MAMDC2: variants seen among roughly 807,000 people sequenced by gnomAD.
MAMDC2 encodes MAM domain-containing protein 2.
In MAMDC2, 57 loss-of-function variants were observed where a neutral mutation model predicts 89.8. The ratio of observed to expected loss-of-function variants is 0.63; its 90% CI spans 0.51 to 0.79. The LOEUF is 0.79. Among genes scored for constraint, MAMDC2 ranks in the 30% least tolerant of loss-of-function variants. MAMDC2 has a pLI of 0.00. For missense variants in MAMDC2, 800 were observed against 820.6 expected, an observed-to-expected ratio of 0.97 and a Z score of 0.31; for synonymous variants, 313 against 293.4, an observed-to-expected ratio of 1.07 and a Z score of -0.68.
At chr9:70,196,063 C>T (rs1253335184) in intron 11 of MAMDC2, among the ~76,000 whole-genome samples, 1 of 152,100 alleles carries the variant, frequency 6.6e-6, no homozygotes, top group Non-Finnish European at 1.5e-5. Context: ...AAAAGGATTT[C>T]TTAACGTGGC....
intron 11 of MAMDC2, among the ~76,000 whole-genome samples, chr9:70,212,122 C>T (rs2033366302): frequency 6.6e-6 from 1 of 152,222 alleles, no homozygotes. Flanking sequence ...ATCTCAAACT[C>T]CATGCTGGGA....
chr9:70,183,952 C>T (rs1438144188), intron 11 of MAMDC2, among the ~76,000 whole-genome samples: 1 of 152,056 alleles, frequency 6.6e-6, no homozygotes, highest in South Asian at 2.1e-4. Flanking sequence ...GTGGCTGTTA[C>T]TTGATGTAGT....
chr9:70,136,525 C>T (rs1020356627), intron 7 of MAMDC2, among the ~76,000 whole-genome samples: 1 of 152,158 alleles, frequency 6.6e-6, no homozygotes, highest in Non-Finnish European at 1.5e-5. Flanking sequence ...ATGCCACCTT[C>T]CACCCCCTCC....
intron 11 of MAMDC2, among the ~76,000 whole-genome samples, chr9:70,202,181 G>A (rs1009792645): frequency 6.6e-5 from 10 of 150,772 alleles, no homozygotes; most frequent in Admixed American, 6.6e-4. Context: ...GCTTTCTCTT[G>A]TGGGCATTTA....
chr9:70,132,203 A>G (rs2030836565), intron 7 of MAMDC2, among the ~76,000 whole-genome samples: 1 of 152,240 alleles, frequency 6.6e-6, no homozygotes, highest in Admixed American at 6.5e-5. Context: ...GTTTAAAATG[A>G]GAGGATTATT....
intron 6 of MAMDC2, among the ~76,000 whole-genome samples, chr9:70,126,754 T>A (rs2030570374): frequency 6.6e-6 from 1 of 151,710 alleles, no homozygotes; most frequent in Admixed American, 6.6e-5. Context: ...ATCAGAACCC[T>A]CCAAGTAAAA....
intron 2 of MAMDC2, chr9:70,071,794 G>A (rs537704654): frequency 2.6e-5 from 4 of 152,274 alleles, no homozygotes; most frequent in African/African-American, 7.2e-5. Context: ...GGGGGGCAGA[G>A]GGAGAGCACG....
chr9:70,217,723 AG>A, intron 11 of MAMDC2: 1 of 1,323,726 alleles, frequency 7.6e-7, no homozygotes, highest in South Asian at 1.3e-5. Flanking sequence ...AAAATTACAG[AG>A]TATGTTTTCA....
intron 11 of MAMDC2, among the ~76,000 whole-genome samples, chr9:70,187,827 T>C (rs1038653635): frequency 1.3e-5 from 2 of 152,220 alleles, no homozygotes; most frequent in Non-Finnish European, 2.9e-5. Context: ...TTGGCTACTA[T>C]AATAATGATG....
At chr9:70,132,643 G>C (rs1407488876) in intron 7 of MAMDC2, among the ~76,000 whole-genome samples, 4 of 151,818 alleles carry the variant, frequency 2.6e-5, no homozygotes, top group African/African-American at 9.7e-5. Flanking sequence ...GGCCTCAAGT[G>C]ATATTCCTGT....
intron 12 of MAMDC2, among the ~76,000 whole-genome samples, chr9:70,219,847 A>G (rs1278428488): frequency 6.6e-6 from 1 of 152,244 alleles, no homozygotes; most frequent in Non-Finnish European, 1.5e-5. Flanking sequence ...TAATTTTGTT[A>G]GGCTATTAGG....
chr9:70,057,792 C>T (rs897630543), intron 2 of MAMDC2, among the ~76,000 whole-genome samples: 33 of 152,162 alleles, frequency 2.2e-4, no homozygotes, highest in Non-Finnish European at 7.3e-5. Context: ...AAGACTTTTC[C>T]TTGGAGACGT....
In MAMDC2 at chr9:70,152,722, G is replaced by C. The variant is rs763625580; in HGVS notation, c.1404+8903G>C. Among the ~76,000 whole-genome samples the C allele has an allele frequency of 6.8e-4, 103 of 152,212 alleles. 1 individual carries two copies. Among genetic ancestry groups the C allele is most frequent in the Non-Finnish European group, 6.8e-4 (46 of 67,994 alleles). On this transcript the variant is annotated intron_variant, in intron 9 of 13. Transcript: ENST00000377182. The stretch of plus-strand genomic sequence containing the variant: ...TTAGAAATAACTTTGGCTCCTAGGA[G>C]GGGTCAAAATTCGGCATTATAGTTT...
chr9:70,217,320 C>T lies in MAMDC2; in HGVS notation c.1652-1017C>T, dbSNP rs2033467492. On this transcript the variant is annotated intron_variant, in intron 11 of 13. Transcript: ENST00000377182. ...CGAAATGCGAGTCGGCATTCCTTTCCAAGAGGAATCCTTGGCAGATAAACT... is the reference window on the plus strand; with the variant it reads ...CGAAATGCGAGTCGGCATTCCTTTCTAAGAGGAATCCTTGGCAGATAAACT... 2.2e-5 allele frequency: 31 copies of T among 1,386,054 alleles called. 2 individuals carry two copies. The South Asian group carries it at 3.6e-4, about 16-fold the overall frequency. 85.9% of individuals were successfully genotyped at this position (1,386,054 alleles called of 1,614,324 possible).
chr9:70,211,426 G>T lies in MAMDC2; in HGVS notation c.1652-6911G>T, dbSNP rs7024201. Among the ~76,000 whole-genome samples, 984 of 152,208 alleles carry T rather than the reference G, an allele frequency of 6.5e-3. 9 individuals carry two copies. The highest frequency in any genetic ancestry group is 0.022 in the African/African-American group (934 of 41,518). ...CTTCCATTTCATCGAATCAGCTACTGAAGCTTGTGCATGCATCACATAGTT... is the reference window on the plus strand; with the variant it reads ...CTTCCATTTCATCGAATCAGCTACTTAAGCTTGTGCATGCATCACATAGTT... On this transcript the variant is annotated intron_variant, in intron 11 of 13. Coordinates refer to ENST00000377182, the MANE Select transcript of MAMDC2 (RefSeq NM_153267.5).
chr9:70,225,416 G>GGATGCTGGGA (rs2033625855), intron 12 of MAMDC2, among the ~76,000 whole-genome samples: 1 of 152,012 alleles, frequency 6.6e-6, no homozygotes, highest in Non-Finnish European at 1.5e-5. Flanking sequence ...GGGTGCTGGG[G>GGATGCTGGGA]GATGCTGGGA....
At chr9:70,142,582 C>T (rs959373766) in intron 8 of MAMDC2, among the ~76,000 whole-genome samples, 1 of 152,160 alleles carries the variant, frequency 6.6e-6, no homozygotes, top group African/African-American at 2.4e-5. Flanking sequence ...TATTTCCTCA[C>T]AGTTCTGGAG....
At chr9:70,044,357 A>C (rs1183436860) in intron 1 of MAMDC2, 126 bp downstream of exon 1, 3 of 1,112,574 alleles carry the variant, frequency 2.7e-6, no homozygotes, top group East Asian at 5.2e-5. Context: ...GATCCTCCGC[A>C]GCCGCTAACT....
At chr9:70,074,767 A>G (rs2118101934) in intron 2 of MAMDC2, among the ~76,000 whole-genome samples, 1 of 152,348 alleles carries the variant, frequency 6.6e-6, no homozygotes, top group East Asian at 1.9e-4. Flanking sequence ...ACAGGTCAAG[A>G]GAGAGATCCT....
Sources: gnomAD v4.1 joint callset for allele counts (sites outside exome capture counted in the v4.1 genomes callset) on GRCh38, gnomAD v4.1.1 for gene constraint, MANE v1.5 for transcripts, NCBI Gene and HGNC (gene_info 2026-07-23, HGNC 2026-07-21) for gene names.